Variants in PTPRC observed in about 807,000 individuals in gnomAD.
The protein encoded by PTPRC is protein tyrosine phosphatase receptor type C.
PTPRC carries 44 observed loss-of-function variants against 155.9 expected under a neutral mutation model. That is an observed-to-expected ratio of 0.28 (90% CI 0.22 to 0.36). The LOEUF (loss-of-function observed/expected upper bound fraction) is 0.36, where lower values mean the gene tolerates loss of function less well. PTPRC is among the 10% of genes least tolerant of loss of function. PTPRC has a pLI of 1.00. For synonymous variants in PTPRC, 525 were observed against 533.1 expected (o/e 0.98, Z 0.21); for missense variants, 1,401 against 1,564.6 (o/e 0.90, Z 1.76).
At chr1:198,697,644 G>A (rs897718787) in intron 4 of PTPRC, among the ~76,000 whole-genome samples, 2 of 152,214 alleles carry the variant, frequency 1.3e-5, no homozygotes, top group Admixed American at 6.5e-5. Context: ...CATCAGTAGA[G>A]TGTTCATGCT....
intron 2 of PTPRC, among the ~76,000 whole-genome samples, chr1:198,659,316 A>G (rs1212420693): frequency 6.6e-6 from 1 of 152,188 alleles, no homozygotes; most frequent in Non-Finnish European, 1.5e-5. Flanking sequence ...GTTTTCTACA[A>G]ATATTTCACA....
At chr1:198,651,057 A>T (rs1342779721) in intron 2 of PTPRC, among the ~76,000 whole-genome samples, 1 of 151,880 alleles carries the variant, frequency 6.6e-6, no homozygotes, top group East Asian at 1.9e-4. Context: ...GAAGAATTAG[A>T]TGTCTTTACC....
At chr1:198,730,815 G>C (rs1654352017) in intron 17 of PTPRC, among the ~76,000 whole-genome samples, 1 of 152,042 alleles carries the variant, frequency 6.6e-6, no homozygotes, top group South Asian at 2.1e-4. Context: ...TGATTGTATA[G>C]AAAGTTTCCA....
intron 2 of PTPRC, among the ~76,000 whole-genome samples, chr1:198,691,523 C>T (rs746144126): frequency 1.8e-4 from 27 of 151,984 alleles, no homozygotes; most frequent in South Asian, 6.2e-4. Flanking sequence ...GTCTGTTTTG[C>T]TTTGGTTTTG....
At chr1:198,666,156 C>G (rs1221937705) in intron 2 of PTPRC, among the ~76,000 whole-genome samples, 1 of 149,030 alleles carries the variant, frequency 6.7e-6, no homozygotes, top group East Asian at 2.0e-4. Flanking sequence ...TTGTTTGAGT[C>G]GAGGAAATGG....
At chr1:198,753,305 T>A (rs143417788) in intron 31 of PTPRC, among the ~76,000 whole-genome samples, 139 of 152,164 alleles carry the variant, frequency 9.1e-4, no homozygotes, top group African/African-American at 3.2e-3. Context: ...ATTGTGGTAA[T>A]ATCAATAATA....
chr1:198,656,685 G>C (rs1166674197), intron 2 of PTPRC, among the ~76,000 whole-genome samples: 1 of 146,466 alleles, frequency 6.8e-6, no homozygotes, highest in African/African-American at 2.5e-5. Context: ...ATTACTGCAA[G>C]TTCCCTGAGG....
At chr1:198,665,081 T>G (rs1450656629) in intron 2 of PTPRC, among the ~76,000 whole-genome samples, 1 of 9,194 alleles carries the variant, frequency 1.1e-4, no homozygotes, top group Non-Finnish European at 3.1e-4. Context: ...CCCGGCAGCA[T>G]TTTTTTTTTT....
chr1:198,730,664 C>T (rs12120762), intron 17 of PTPRC, among the ~76,000 whole-genome samples: 92,023 of 151,822 alleles, frequency 0.61, 28,272 homozygotes, highest in African/African-American at 0.65. Flanking sequence ...AAATTGGTAC[C>T]GATTGCACCT....
intron 10 of PTPRC, among the ~76,000 whole-genome samples, chr1:198,708,806 G>A (rs1307032169): frequency 6.6e-6 from 1 of 151,192 alleles, no homozygotes; most frequent in Non-Finnish European, 1.5e-5. Context: ...AATTGAGATA[G>A]TATTTTTAAA....
rs200552860 is a variant in PTPRC, at chr1:198,756,596, A to T, written c.*415A>T. 2 of 131,736 alleles carry T rather than the reference A, an allele frequency of 1.5e-5. No homozygotes were observed. The highest frequency in any genetic ancestry group is 1.8e-4 in the Admixed American group (2 of 11,006). The allele number at this position is 131,736 out of a possible 1,614,324, so 8.2% of individuals were successfully genotyped here. A position where few individuals can be genotyped will look rare whatever the true frequency, so the allele number is the denominator to read the frequency against. On this transcript the variant is annotated 3_prime_UTR_variant, in exon 33 of 33. Coordinates refer to ENST00000442510, the MANE Select transcript of PTPRC (RefSeq NM_002838.5). ...AACTTAGCTTGAAGGATCTGTTTTT[A>T]AAAATCATAAACTGTGTGCAGACTC...
At chr1:198,739,666 G>A (rs976604643) in intron 23 of PTPRC, among the ~76,000 whole-genome samples, 1 of 151,766 alleles carries the variant, frequency 6.6e-6, no homozygotes, top group East Asian at 1.9e-4. Context: ...GCATTAGGCA[G>A]ATCACCCAGG....
At position 198,716,687 on chromosome 1, in the gene PTPRC, G is replaced by A. The variant is rs140403368; in HGVS notation, c.1297G>A (p.Asp433Asn). Residue 433 changes from aspartate to asparagine, a missense_variant, in exon 13 of 33, where the codon GAT becomes AAT. Physicochemically the swap from Asp to Asn is conservative, Grantham distance 23. This residue lies in a region of PTPRC where 867 missense variants were observed against 970.4 expected (regional missense o/e 0.89). Coordinates refer to ENST00000442510, the MANE Select transcript of PTPRC (RefSeq NM_002838.5). Reference protein sequence around the residue: ...TLCYIKETEKDCLNLDKNLIK... With the variant: ...TLCYIKETEKNCLNLDKNLIK... ...TTTTTCACATTTTTCCTCAGAAAAA[G>A]ATTGCCTCAATCTGGATAAAAACCT... 1,723 of 1,611,320 alleles carry A rather than the reference G, an allele frequency of 1.1e-3. No homozygotes were observed. The highest frequency in any genetic ancestry group is 1.3e-3 in the Non-Finnish European group (1,539 of 1,179,484).
At chr1:198,718,392 C>A in intron 14 of PTPRC, 90 bp downstream of exon 14, 2 of 1,087,332 alleles carry the variant, frequency 1.8e-6, no homozygotes, top group Non-Finnish European at 2.7e-6. Context: ...CCACTGCTCA[C>A]ATGAGATTGA....
chr1:198,730,308 A>G (rs1654328573), intron 17 of PTPRC, among the ~76,000 whole-genome samples: 1 of 152,074 alleles, frequency 6.6e-6, no homozygotes, highest in Non-Finnish European at 1.5e-5. Flanking sequence ...GAGCTCCTTA[A>G]AAGGCTTTAT....
intron 2 of PTPRC, among the ~76,000 whole-genome samples, chr1:198,659,618 T>C (rs1663824963): frequency 6.6e-6 from 1 of 151,460 alleles, no homozygotes; most frequent in Admixed American, 6.6e-5. Context: ...CACTGCAACC[T>C]ACGCTTCCCA....
rs1404810117 is a variant in PTPRC, at chr1:198,722,535, G to A, written c.1720+59G>A. Reference sequence around the variant, plus strand: ...TAAGATATATATTAATGCTTATAAAGCTATATTATTTTACACTTATAATCA... The same window carrying A: ...TAAGATATATATTAATGCTTATAAAACTATATTATTTTACACTTATAATCA... On this transcript the variant is annotated intron_variant, in intron 15 of 32. Transcript: ENST00000442510. 5 of 994,690 alleles carry A rather than the reference G, an allele frequency of 5.0e-6. No individual in the cohort carries two copies. In the East Asian group the frequency reaches 1.9e-4, roughly 37 times the overall value. 61.6% of individuals were successfully genotyped at this position (994,690 alleles called of 1,614,324 possible).
chr1:198,725,866 C>T (rs1654109714), intron 15 of PTPRC, among the ~76,000 whole-genome samples: 1 of 152,092 alleles, frequency 6.6e-6, no homozygotes, highest in African/African-American at 2.4e-5. Flanking sequence ...TAGGCTGTGG[C>T]CTCCTTTCTT....
chr1:198,676,621 T>A (rs1664969154), intron 2 of PTPRC, among the ~76,000 whole-genome samples: 1 of 152,120 alleles, frequency 6.6e-6, no homozygotes, highest in Non-Finnish European at 1.5e-5. Flanking sequence ...CATTGGAAAA[T>A]CACTTCTTGA....
Sources: gnomAD v4.1 joint callset for allele counts (sites outside exome capture counted in the v4.1 genomes callset) on GRCh38, gnomAD v4.1.1 for gene constraint, gnomAD v4.1.1 regional missense constraint, MANE v1.5 for transcripts, NCBI Gene and HGNC (gene_info 2026-07-23, HGNC 2026-07-21) for gene names.